Variants in RARB observed in about 807,000 individuals in gnomAD.
The protein encoded by RARB is HBV-activated protein.
RARB carries 17 observed loss-of-function variants against 51.9 expected under a neutral mutation model. That is an observed-to-expected ratio of 0.33 (90% CI 0.22 to 0.49). The LOEUF (loss-of-function observed/expected upper bound fraction) is 0.49, where lower values mean the gene tolerates loss of function less well. Ranked by LOEUF, RARB falls within the 20% of genes least tolerant of loss-of-function variation. The pLI is 0.99. For missense variants in RARB, 369 were observed against 550.8 expected (o/e 0.67, Z 3.30); for synonymous variants, 215 against 195.4 (o/e 1.10, Z -0.84).
At position 25,596,472 on chromosome 3, in the gene RARB, T is replaced by C. The variant is rs1701837062; in HGVS notation, c.1203T>C (p.Pro401=). Residue 401 remains proline (P), a synonymous_variant, in exon 8 of 8, where the codon CCT becomes CCC. Transcript: ENST00000330688. ...TGGAAATTCCTGGATCAATGCCACC[T>C]CTCATTCAAGAAATGCTGGAGAATT... is the stretch of plus-strand genomic sequence containing the variant. ...LKMEIPGSMP[P]LIQEMLENSE... 1.9e-6 allele frequency: 3 copies of C among 1,613,512 alleles called. No individual in the cohort carries two copies. In the African/African-American group the frequency reaches 4.0e-5, roughly 22 times the overall value.
At chr3:25,023,817 G>A (rs1380138088) in intron 2 of RARB, among the ~76,000 whole-genome samples, 1 of 152,132 alleles carries the variant, frequency 6.6e-6, no homozygotes, top group East Asian at 1.9e-4. Context: ...TAACAATCTG[G>A]AGAAATTAAT....
intron 2 of RARB, among the ~76,000 whole-genome samples, chr3:24,965,113 C>A (rs998650202): frequency 1.3e-5 from 2 of 152,164 alleles, no homozygotes; most frequent in African/African-American, 4.8e-5. Flanking sequence ...ATTTTAGAGT[C>A]ATGTTTACTA....
At chr3:25,536,788 TTG>T (rs909726957) in intron 3 of RARB, among the ~76,000 whole-genome samples, 121 of 152,272 alleles carry the variant, frequency 7.9e-4, no homozygotes, top group Middle Eastern at 3.4e-3. Flanking sequence ...GGTGAAAAGT[TTG>T]TGGGGTAAGT....
At chr3:25,449,593 G>C (rs2125540079) in intron 1 of RARB, among the ~76,000 whole-genome samples, 1 of 152,226 alleles carries the variant, frequency 6.6e-6, no homozygotes, top group East Asian at 1.9e-4. Context: ...ATGGGGGTCA[G>C]ACCCATTCCC....
At chr3:25,132,543 C>T (rs547477194) in intron 4 of RARB, among the ~76,000 whole-genome samples, 1 of 151,792 alleles carries the variant, frequency 6.6e-6, no homozygotes, top group South Asian at 2.1e-4. Flanking sequence ...TGTATTATTG[C>T]AATTGATTCT....
chr3:24,991,526 C>T (rs564395985), intron 2 of RARB, among the ~76,000 whole-genome samples: 66 of 151,548 alleles, frequency 4.4e-4, no homozygotes, highest in African/African-American at 1.3e-3. Context: ...TTTAATTTTT[C>T]TTGTATTATT....
intron 2 of RARB, among the ~76,000 whole-genome samples, chr3:24,971,698 C>A (rs1264203670): frequency 6.6e-6 from 1 of 151,984 alleles, no homozygotes; most frequent in Non-Finnish European, 1.5e-5. Context: ...CTTCAGCTTT[C>A]TGGAACAGTA....
At position 25,335,832 on chromosome 3, in the gene RARB, A is replaced by AAATAC. The variant is rs776051110; in HGVS notation, c.179-125360_179-125359insATACA. ...TATTTTGTCACCTATGTGGCCAGGGAACAGTCCACAGGAAAATACAGGAGA... is the reference window on the plus strand; with the variant it reads ...TATTTTGTCACCTATGTGGCCAGGGAAATACACAGTCCACAGGAAAATACAGGAGA... On this transcript the variant is annotated intron_variant, in intron 5 of 11. Coordinates refer to the RARB transcript ENST00000383772. Among the ~76,000 whole-genome samples, 15 of 152,342 alleles carry AAATAC rather than the reference A, an allele frequency of 9.8e-5. No individual in the cohort carries two copies. The South Asian group carries it at 2.9e-3, about 29-fold the overall frequency.
chr3:24,987,482 G>C (rs1014455659), intron 2 of RARB, among the ~76,000 whole-genome samples: 15 of 152,210 alleles, frequency 9.9e-5, no homozygotes, highest in African/African-American at 3.4e-4. Flanking sequence ...CACTGCAAAG[G>C]GAGGTTAGAG....
At chr3:25,040,914 A>C (rs17787525) in intron 2 of RARB, among the ~76,000 whole-genome samples, 9,255 of 152,280 alleles carry the variant, frequency 0.061, 374 homozygotes, top group Middle Eastern at 0.095. Context: ...AATGATTCAA[A>C]GTCAGCTCAT....
At chr3:25,402,954 G>A (rs1559386397) in intron 5 of RARB, among the ~76,000 whole-genome samples, 1 of 152,108 alleles carries the variant, frequency 6.6e-6, no homozygotes, top group Non-Finnish European at 1.5e-5. Context: ...CATGAGGTCA[G>A]GAGTTCGAGA....
intron 3 of RARB, among the ~76,000 whole-genome samples, chr3:25,518,774 G>T (rs1698282795): frequency 6.6e-6 from 1 of 151,998 alleles, no homozygotes; most frequent in African/African-American, 2.4e-5. Flanking sequence ...TTTTATTTTA[G>T]AACATTTTTC....
chr3:25,128,838 A>G (rs1252459666), intron 3 of RARB, among the ~76,000 whole-genome samples: 4 of 152,128 alleles, frequency 2.6e-5, no homozygotes, highest in Non-Finnish European at 4.4e-5. Context: ...TAGAAAAAAA[A>G]TCAAACATTG....
At chr3:25,216,372 T>C (rs1701831973) in intron 5 of RARB, among the ~76,000 whole-genome samples, 1 of 152,218 alleles carries the variant, frequency 6.6e-6, no homozygotes, top group Non-Finnish European at 1.5e-5. Context: ...AAAGAAAATG[T>C]AGTACATATA....
intron 2 of RARB, among the ~76,000 whole-genome samples, chr3:24,873,144 C>G (rs564295341): frequency 6.6e-6 from 1 of 152,214 alleles, no homozygotes; most frequent in Non-Finnish European, 1.5e-5. Context: ...GGCCCATGCC[C>G]TGTGCTAATT....
intron 5 of RARB, among the ~76,000 whole-genome samples, chr3:25,591,427 A>G (rs1289027705): frequency 6.6e-6 from 1 of 152,210 alleles, no homozygotes; most frequent in Non-Finnish European, 1.5e-5. Context: ...GTACTGGGCT[A>G]AAGATTATCT....
At chr3:25,587,883 C>T (rs1277920743) in intron 5 of RARB, among the ~76,000 whole-genome samples, 1 of 152,172 alleles carries the variant, frequency 6.6e-6, no homozygotes, top group African/African-American at 2.4e-5. Flanking sequence ...TTCTCCTTTG[C>T]CTGAAAACTG....
At chr3:25,356,184 G>A (rs533152766) in intron 5 of RARB, among the ~76,000 whole-genome samples, 1 of 152,080 alleles carries the variant, frequency 6.6e-6, no homozygotes, top group Admixed American at 6.6e-5. Flanking sequence ...TTTTCAAAGA[G>A]AAGTATTTAT....
intron 2 of RARB, among the ~76,000 whole-genome samples, chr3:24,957,211 A>G (rs1696036598): frequency 6.6e-6 from 1 of 152,186 alleles, no homozygotes; most frequent in South Asian, 2.1e-4. Context: ...TCCAACACAG[A>G]AGCCCTAGTT....
Sources: allele counts gnomAD v4.1 joint callset (sites outside exome capture counted in the v4.1 genomes callset), GRCh38; gene constraint gnomAD v4.1.1; transcripts MANE v1.5; gene names NCBI Gene and HGNC (gene_info 2026-07-23, HGNC 2026-07-21).